The following DNAJC1 variants were observed in gnomAD, a reference collection of about 807,000 sequenced individuals.
The protein encoded by DNAJC1 is DnaJ heat shock protein family (Hsp40) member C1, also known as dnaJ homolog subfamily C member 1.
In DNAJC1, 58 loss-of-function variants were observed where a neutral mutation model predicts 76.6. That is an observed-to-expected ratio of 0.76 (90% CI 0.61 to 0.94). The LOEUF (loss-of-function observed/expected upper bound fraction) is 0.94, where lower values mean the gene tolerates loss of function less well. Among genes scored for constraint, DNAJC1 ranks in the 40% least tolerant of loss-of-function variants. The pLI, the probability that DNAJC1 is intolerant of heterozygous loss-of-function variation, is 0.00. For synonymous variants in DNAJC1, 258 were observed against 267.9 expected (o/e 0.96, Z 0.36); for missense variants, 689 against 677.3 (o/e 1.02, Z -0.19).
intron 8 of DNAJC1, among the ~76,000 whole-genome samples, chr10:21,876,559 A>C (rs1392175478): frequency 6.6e-6 from 1 of 152,236 alleles, no homozygotes; most frequent in Non-Finnish European, 1.5e-5. Flanking sequence ...GGAAAACAAC[A>C]AGCTGCATTA....
chr10:21,935,453 A>G (rs1386613050), intron 1 of DNAJC1, among the ~76,000 whole-genome samples: 3 of 152,172 alleles, frequency 2.0e-5, no homozygotes, highest in Non-Finnish European at 4.4e-5. Context: ...AAGGAAAAAA[A>G]TGAATAAAAT....
chr10:21,941,591 T>C (rs1837412622), intron 1 of DNAJC1, among the ~76,000 whole-genome samples: 1 of 152,020 alleles, frequency 6.6e-6, no homozygotes, highest in East Asian at 1.9e-4. Context: ...ATTAAATGAG[T>C]GATGATTAAT....
At chr10:21,943,330 T>C (rs906397738) in intron 1 of DNAJC1, among the ~76,000 whole-genome samples, 1 of 152,184 alleles carries the variant, frequency 6.6e-6, no homozygotes, top group African/African-American at 2.4e-5. Context: ...GCAAGTAAAG[T>C]AGATAATTCC....
intron 11 of DNAJC1, 147 bp from the exon 12 acceptor site, chr10:21,756,902 C>T (rs572464270): frequency 1.3e-5 from 9 of 694,170 alleles, no homozygotes; most frequent in Admixed American, 5.1e-5. Flanking sequence ...GGAGTCCAGT[C>T]GCTCACAAGG....
chr10:21,956,485 G>A (rs1837685156), intron 1 of DNAJC1, among the ~76,000 whole-genome samples: 1 of 151,406 alleles, frequency 6.6e-6, no homozygotes, highest in South Asian at 2.1e-4. Context: ...GACACTAGAG[G>A]TATTATTTTC....
At chr10:21,764,450 C>T (rs1834273052) in intron 10 of DNAJC1, among the ~76,000 whole-genome samples, 1 of 152,188 alleles carries the variant, frequency 6.6e-6, no homozygotes, top group Non-Finnish European at 1.5e-5. Flanking sequence ...TAAAGCAACT[C>T]TCTTAAGAAA....
chr10:21,917,717 T>C (rs1353519887), intron 6 of DNAJC1, among the ~76,000 whole-genome samples: 1 of 151,992 alleles, frequency 6.6e-6, no homozygotes, highest in East Asian at 1.9e-4. Flanking sequence ...AATACTGTAA[T>C]TTTTCTCTAT....
At chr10:21,845,882 A>T (rs1835651794) in intron 8 of DNAJC1, among the ~76,000 whole-genome samples, 1 of 152,228 alleles carries the variant, frequency 6.6e-6, no homozygotes, top group African/African-American at 2.4e-5. Flanking sequence ...AGTACATTAA[A>T]TGAGTCTATA....
At chr10:21,976,712 TG>T (rs1838069212) in intron 1 of DNAJC1, among the ~76,000 whole-genome samples, 1 of 152,208 alleles carries the variant, frequency 6.6e-6, no homozygotes, top group African/African-American at 2.4e-5. Context: ...TTTCCAGTTC[TG>T]TTTTTTTTCT....
chr10:21,771,183 G>T (rs1564782795), intron 9 of DNAJC1, among the ~76,000 whole-genome samples: 1 of 151,726 alleles, frequency 6.6e-6, no homozygotes, highest in East Asian at 1.9e-4. Context: ...TAGTTCCAAT[G>T]TTTTTTTTAG....
rs545990055 is a variant in DNAJC1, at chr10:21,826,689, C to T, written c.979-20590G>A. 1.3e-4 allele frequency among the ~76,000 whole-genome samples: 20 copies of T among 152,162 alleles called. No homozygotes were observed. In the South Asian group the frequency reaches 2.5e-3, roughly 19 times the overall value. ...TTGTAAATTTTTCTATATACTATAA[C>T]GTAATAGTCCAATTTCACTCTTTTG... On this transcript the variant is annotated intron_variant, in intron 8 of 11. Transcript: ENST00000376980.
intron 9 of DNAJC1, among the ~76,000 whole-genome samples, chr10:21,802,645 T>C (rs1236089796): frequency 1.3e-5 from 2 of 152,148 alleles, no homozygotes; most frequent in Non-Finnish European, 2.9e-5. Context: ...ACCTGGGCCT[T>C]TTCCAAAGAG....
At chr10:21,816,338 C>T (rs912451296) in intron 8 of DNAJC1, among the ~76,000 whole-genome samples, 5 of 151,814 alleles carry the variant, frequency 3.3e-5, no homozygotes, top group East Asian at 2.0e-4. Context: ...CCAGCCTGGC[C>T]GACAGAGCAA....
At chr10:21,901,493 CA>C (rs754127594) in intron 7 of DNAJC1, among the ~76,000 whole-genome samples, 3 of 152,100 alleles carry the variant, frequency 2.0e-5, no homozygotes, top group Non-Finnish European at 2.9e-5. Context: ...ACCTAAACCA[CA>C]AAATTGATTA....
At chr10:21,908,498 G>GGC (rs1391746151) in intron 6 of DNAJC1, among the ~76,000 whole-genome samples, 1 of 148,308 alleles carries the variant, frequency 6.7e-6, no homozygotes, top group Non-Finnish European at 1.5e-5. Flanking sequence ...ATGGGGGGGG[G>GGC]GTGAATTCAA....
chr10:21,814,189 CCTTTTA>C lies in DNAJC1; in HGVS notation c.979-8096_979-8091del, dbSNP rs1337219851. On this transcript the variant is annotated intron_variant, in intron 8 of 11. Transcript: ENST00000376980. ...GTCGGTTGGGCAGCAAATGTCACTT[CCTTTTA>C]CTGTCTATTAATAAGGAAGAATTGT... is the stretch of plus-strand genomic sequence containing the variant. Among the ~76,000 whole-genome samples, 9 of 152,130 alleles carry C rather than the reference CCTTTTA, an allele frequency of 5.9e-5. No individual in the cohort carries two copies. The South Asian group carries it at 1.7e-3, about 28-fold the overall frequency.
chr10:21,889,642 A>T (rs1053136937), intron 7 of DNAJC1, among the ~76,000 whole-genome samples: 1 of 152,204 alleles, frequency 6.6e-6, no homozygotes, highest in African/African-American at 2.4e-5. Flanking sequence ...GGTCAGTTCT[A>T]CGAGTTTTCT....
At chr10:21,911,919 G>C (rs933983302) in intron 6 of DNAJC1, among the ~76,000 whole-genome samples, 1 of 152,142 alleles carries the variant, frequency 6.6e-6, no homozygotes, top group Non-Finnish European at 1.5e-5. Context: ...TGGGCTAAAC[G>C]TAAGTGTTCT....
intron 8 of DNAJC1, among the ~76,000 whole-genome samples, chr10:21,859,730 T>C (rs187663808): frequency 2.6e-5 from 4 of 152,222 alleles, no homozygotes; most frequent in Non-Finnish European, 2.9e-5. Context: ...TTATAAATAC[T>C]GGACAAAACA....
Sources: gnomAD v4.1 joint callset for allele counts (sites outside exome capture counted in the v4.1 genomes callset) on GRCh38, gnomAD v4.1.1 for gene constraint, MANE v1.5 for transcripts, NCBI Gene and HGNC (gene_info 2026-07-23, HGNC 2026-07-21) for gene names.